Variants in ACSS1 observed in about 807,000 individuals in gnomAD.
The protein encoded by ACSS1 is acetyl-coenzyme A synthetase 2-like, mitochondrial.
A neutral mutation model predicts 75.3 loss-of-function variants in ACSS1; 42 were observed. That is an observed-to-expected ratio of 0.56 (90% CI 0.44 to 0.72). The LOEUF is 0.72. Ranked by LOEUF, ACSS1 falls within the 30% of genes least tolerant of loss-of-function variation. The probability of loss-of-function intolerance (pLI) is 0.00; values close to 1 mark genes in which losing one functional copy is unlikely to be tolerated. For missense variants in ACSS1, 782 were observed against 935.7 expected (o/e 0.84, Z 2.14); for synonymous variants, 380 against 376.8 (o/e 1.01, Z -0.10).
chr20:25,009,677 A>G (rs1399194075), intron 12 of ACSS1: 1 of 417,834 alleles, frequency 2.4e-6, no homozygotes, highest in African/African-American at 2.0e-5. Context: ...GACCTGGGAC[A>G]TGGGACCTCC....
At chr20:25,045,019 G>A (rs1166602409) in intron 2 of ACSS1, among the ~76,000 whole-genome samples, 5 of 152,268 alleles carry the variant, frequency 3.3e-5, no homozygotes, top group East Asian at 1.9e-4. Context: ...CAGCCAGCAC[G>A]AGGTCCAACC....
At chr20:25,024,623 T>C (rs1048346995) in intron 3 of ACSS1, among the ~76,000 whole-genome samples, 1 of 152,186 alleles carries the variant, frequency 6.6e-6, no homozygotes, top group Non-Finnish European at 1.5e-5. Context: ...CCCTACCCTT[T>C]GCATGGAGCC....
intron 9 of ACSS1, 110 bp downstream of exon 9, chr20:25,013,851 C>G: frequency 7.4e-7 from 1 of 1,356,568 alleles, no homozygotes; most frequent in Admixed American, 2.0e-5. Flanking sequence ...GCAAGGTCAG[C>G]AGCCTCCTGC....
chr20:25,018,947 C>T (rs2088568784), intron 7 of ACSS1, among the ~76,000 whole-genome samples: 1 of 152,204 alleles, frequency 6.6e-6, no homozygotes, highest in Admixed American at 6.5e-5. Flanking sequence ...AGGTCTCATC[C>T]CCATCTCACA....
In ACSS1 at chr20:25,007,909, C is replaced by T. The variant is rs752950616; in HGVS notation, c.1923G>A (p.Gly641=). 3 of 1,614,208 alleles carry T rather than the reference C, an allele frequency of 1.9e-6. No individual in the cohort carries two copies. The highest frequency in any genetic ancestry group is 1.6e-4 in the Middle Eastern group (1 of 6,062). The part of the protein sequence containing the change: ...VVKRLPKTRS[G]KVMRRLLRKI... ...TCCTCAGGAGCCGCCGCATGACCTT[C>T]CCAGACCTGGTTTTTGGAAGACGTT... is the stretch of plus-strand genomic sequence containing the variant. The change falls in exon 14 of 14, where the codon GGG becomes GGA. Residue 641 remains glycine (G), a synonymous_variant. Coordinates refer to ENST00000323482, the MANE Select transcript of ACSS1 (RefSeq NM_032501.4).
intron 2 of ACSS1, among the ~76,000 whole-genome samples, chr20:25,042,325 G>C (rs1467397024): frequency 6.6e-6 from 1 of 152,158 alleles, no homozygotes; most frequent in African/African-American, 2.4e-5. Context: ...CGAGTAACAT[G>C]GGATCCTATC....
rs200667542 is a variant in ACSS1 at position 25,007,971 on chromosome 20, G to A, written c.1891-30C>T. On this transcript the variant is annotated intron_variant, in intron 13 of 13. Transcript: ENST00000323482. ...CAAGGAACAGGCACAGTGTTAGAGC[G>A]TGGATGGTGCCCAGCCTCTGTGCTA... 46 of 1,609,118 alleles carry A rather than the reference G, an allele frequency of 2.9e-5. No homozygotes were observed. In the Middle Eastern group the frequency reaches 5.1e-4, roughly 18 times the overall value.
At chr20:25,040,514 A>T (rs945247266) in intron 2 of ACSS1, among the ~76,000 whole-genome samples, 3 of 152,256 alleles carry the variant, frequency 2.0e-5, no homozygotes, top group Non-Finnish European at 2.9e-5. Flanking sequence ...AGCAGCCTAG[A>T]GAAGCATCAA....
chr20:25,037,301 G>A lies in ACSS1; in HGVS notation c.432-6343C>T, dbSNP rs141335654. ...AGTGGGAAGGACCTCCACCAAGAGC[G>A]ACACCCACCCTGCAGACACCCTGTG... On this transcript the variant is annotated intron_variant, in intron 2 of 13. Coordinates refer to ENST00000323482, the MANE Select transcript of ACSS1 (RefSeq NM_032501.4). 6.9e-4 allele frequency among the ~76,000 whole-genome samples: 105 copies of A among 152,222 alleles called. 1 individual carries two copies. The highest frequency in any genetic ancestry group is 2.4e-3 in the African/African-American group (100 of 41,542).
chr20:25,027,794 A>G (rs1052004927), intron 3 of ACSS1, among the ~76,000 whole-genome samples: 8 of 151,776 alleles, frequency 5.3e-5, no homozygotes, highest in Non-Finnish European at 7.4e-5. Flanking sequence ...AAAAAAAAAA[A>G]AAAGAAATAA....
intron 2 of ACSS1, among the ~76,000 whole-genome samples, chr20:25,042,625 G>A (rs1352602047): frequency 6.6e-6 from 1 of 152,134 alleles, no homozygotes; most frequent in African/African-American, 2.4e-5. Context: ...CTTGGGAGGT[G>A]AGCAGAAGAG....
intron 2 of ACSS1, among the ~76,000 whole-genome samples, chr20:25,047,410 A>C (rs1408662043): frequency 2.0e-5 from 3 of 151,944 alleles, no homozygotes; most frequent in Non-Finnish European, 4.4e-5. Context: ...CTATTAGCTC[A>C]CAGTGGCCAC....
Position 25,007,906 on chromosome 20 carries a change from C to T in ACSS1, c.1926G>A (p.Lys642=), listed in dbSNP as rs779045262. 1.9e-6 allele frequency: 3 copies of T among 1,614,216 alleles called. No individual in the cohort carries two copies. The highest frequency in any genetic ancestry group is 2.5e-6 in the Non-Finnish European group (3 of 1,180,030). Reference sequence around the variant, plus strand: ...TCTTCCTCAGGAGCCGCCGCATGACCTTCCCAGACCTGGTTTTTGGAAGAC... The same window carrying T: ...TCTTCCTCAGGAGCCGCCGCATGACTTTCCCAGACCTGGTTTTTGGAAGAC... ...VKRLPKTRSG[K]VMRRLLRKII... Residue 642 remains lysine, a synonymous_variant, in exon 14 of 14, where the codon AAG becomes AAA. Coordinates refer to ENST00000323482, the MANE Select transcript of ACSS1 (RefSeq NM_032501.4).
intron 4 of ACSS1, 100 bp downstream of exon 4, chr20:25,023,366 C>A: frequency 6.9e-7 from 1 of 1,442,982 alleles, no homozygotes; most frequent in Non-Finnish European, 9.5e-7. Context: ...ACCCTGGGCA[C>A]CTCTAGGGAA....
chr20:25,049,574 G>A (rs2089148448), intron 1 of ACSS1, among the ~76,000 whole-genome samples: 1 of 152,090 alleles, frequency 6.6e-6, no homozygotes, highest in South Asian at 2.1e-4. Context: ...GGCCGGTGGC[G>A]GCAGGCTCAT....
Position 25,012,645 on chromosome 20 carries a change from G to C in ACSS1, c.1727C>G (p.Pro576Arg). The C allele has an allele frequency of 6.2e-7, 1 of 1,614,154 alleles. No individual in the cohort carries two copies. Among genetic ancestry groups the C allele is most frequent in the South Asian group, 1.1e-5 (1 of 91,080 alleles). The change falls in exon 12 of 14, where the codon CCA becomes CGA. Residue 576 changes from proline (P) to arginine (R), a missense_variant. Pro to Arg is a moderately radical substitution (Grantham distance 103). Transcript: ENST00000323482. ...EDAIADHPAVPESAVIGYPHD... is the reference protein window; with the variant it reads ...EDAIADHPAVRESAVIGYPHD... ...GGGGTAGCCAATGACAGCACTTTCT[G>C]GTACTGCAGGGTGGTCGGCCTGTGT...
intron 3 of ACSS1, among the ~76,000 whole-genome samples, chr20:25,027,838 T>C (rs2088751782): frequency 6.7e-6 from 1 of 148,218 alleles, no homozygotes; most frequent in Non-Finnish European, 1.5e-5. Context: ...GAAGTAAAAC[T>C]ATATTCAGAG....
At chr20:25,016,687 C>A (rs1332643137) in intron 7 of ACSS1, among the ~76,000 whole-genome samples, 1 of 152,238 alleles carries the variant, frequency 6.6e-6, no homozygotes, top group African/African-American at 2.4e-5. Flanking sequence ...CAGGGAGATG[C>A]CCCGCAGCGC....
In ACSS1 at chr20:25,007,216, T is replaced by G; in HGVS notation, c.*546A>C. Reference sequence around the variant, plus strand: ...TTAAAAATGTGGCCTCTGATCCTCATGTTTCCTCACCAGTAGAGGCAAAAA... The same window carrying G: ...TTAAAAATGTGGCCTCTGATCCTCAGGTTTCCTCACCAGTAGAGGCAAAAA... On this transcript the variant is annotated 3_prime_UTR_variant, in exon 14 of 14. Transcript: ENST00000323482. The G allele has an allele frequency of 8.3e-7, 1 of 1,206,206 alleles. No individual in the cohort carries two copies. Among genetic ancestry groups the G allele is most frequent in the Non-Finnish European group, 1.0e-6 (1 of 967,322 alleles). 74.7% of individuals were successfully genotyped at this position (1,206,206 alleles called of 1,614,324 possible).
Sources: gnomAD v4.1 joint callset for allele counts (sites outside exome capture counted in the v4.1 genomes callset) on GRCh38, gnomAD v4.1.1 for gene constraint, MANE v1.5 for transcripts, NCBI Gene and HGNC (gene_info 2026-07-23, HGNC 2026-07-21) for gene names.